Variants in RIN2 observed in about 807,000 individuals in gnomAD.
RIN2 encodes RAB5 interacting protein 2.
Under a neutral mutation model 78.0 loss-of-function variants are expected in RIN2, and 36 were observed. That is an observed-to-expected ratio of 0.46 (90% CI 0.35 to 0.61). The LOEUF is 0.61. Among genes scored for constraint, RIN2 ranks in the 20% least tolerant of loss-of-function variants. The pLI, the probability that RIN2 is intolerant of heterozygous loss-of-function variation, is 0.00. For missense variants in RIN2, 1,087 were observed against 1,159.7 expected, an observed-to-expected ratio of 0.94 and a Z score of 0.91; for synonymous variants, 466 against 466.8, an observed-to-expected ratio of 1.00 and a Z score of 0.02.
chr20:19,837,647 T>C (rs1045379847), intron 2 of RIN2, among the ~76,000 whole-genome samples: 3 of 152,188 alleles, frequency 2.0e-5, no homozygotes, highest in African/African-American at 7.2e-5. Flanking sequence ...GCCAAGCTTT[T>C]GCTTTGCTTT....
chr20:19,908,486 G>T (rs1009535921), intron 3 of RIN2, among the ~76,000 whole-genome samples: 3 of 131,112 alleles, frequency 2.3e-5, no homozygotes, highest in Non-Finnish European at 1.6e-5. Flanking sequence ...GCGAGACTCC[G>T]TCTCAAAAAA....
intron 1 of RIN2, among the ~76,000 whole-genome samples, chr20:19,769,541 TG>T (rs1000164921): frequency 6.6e-6 from 1 of 152,178 alleles, no homozygotes; most frequent in Non-Finnish European, 1.5e-5. Context: ...GCCCTGCCAG[TG>T]AAGTGTAACA....
intron 2 of RIN2, among the ~76,000 whole-genome samples, chr20:19,888,478 C>T (rs1375047383): frequency 6.6e-6 from 1 of 152,232 alleles, no homozygotes; most frequent in Non-Finnish European, 1.5e-5. Flanking sequence ...ATGAAACAGC[C>T]TCAGTGAACC....
chr20:19,838,028 C>T (rs189282543), intron 2 of RIN2, among the ~76,000 whole-genome samples: 91 of 152,262 alleles, frequency 6.0e-4, no homozygotes, highest in African/African-American at 1.9e-3. Flanking sequence ...ACAGTCACTT[C>T]ACAAAAATCA....
chr20:19,960,508 A>T (rs2041706028), intron 5 of RIN2, among the ~76,000 whole-genome samples, 192 bp from the exon 6 acceptor site: 1 of 152,124 alleles, frequency 6.6e-6, no homozygotes, highest in Non-Finnish European at 1.5e-5. Flanking sequence ...ATTCTTTTGG[A>T]GGCAGTAATG....
At chr20:19,771,878 G>A (rs1040062690) in intron 1 of RIN2, among the ~76,000 whole-genome samples, 1 of 152,062 alleles carries the variant, frequency 6.6e-6, no homozygotes, top group Non-Finnish European at 1.5e-5. Flanking sequence ...GCCTCCTCCT[G>A]CCTCCTCTTG....
At chr20:19,930,848 A>G (rs1230228105) in intron 3 of RIN2, among the ~76,000 whole-genome samples, 5 of 152,162 alleles carry the variant, frequency 3.3e-5, no homozygotes, top group Non-Finnish European at 1.5e-5. Context: ...TTGTTTTCCT[A>G]AAATTTTGTT....
At chr20:19,867,547 G>A (rs541245351) in intron 2 of RIN2, among the ~76,000 whole-genome samples, 114 of 152,120 alleles carry the variant, frequency 7.5e-4, no homozygotes, top group African/African-American at 2.4e-3. Context: ...AGACCTTTAC[G>A]TTTTTAGAGC....
intron 1 of RIN2, among the ~76,000 whole-genome samples, chr20:19,761,230 C>T (rs2033627491): frequency 1.3e-5 from 2 of 152,066 alleles, no homozygotes; most frequent in South Asian, 4.1e-4. Context: ...ATTAGTCTGT[C>T]ATTCTGCCGC....
chr20:19,835,075 G>GAGAA (rs367631438), intron 2 of RIN2, among the ~76,000 whole-genome samples: 107,528 of 148,680 alleles, frequency 0.72, 39,453 homozygotes, highest in East Asian at 0.93. Context: ...AAAAGAGAAA[G>GAGAA]AGAAAGAAAG....
intron 9 of RIN2, among the ~76,000 whole-genome samples, chr20:19,989,295 A>G (rs540182730): frequency 3.2e-4 from 37 of 116,864 alleles, no homozygotes; most frequent in African/African-American, 1.1e-3. Flanking sequence ...TTTTTTTGAG[A>G]TGGAGTATCA....
rs2039305468 is a variant in RIN2, at chr20:19,908,267, A to G, written c.57+18609A>G. On this transcript the variant is annotated intron_variant, in intron 3 of 12. Transcript: ENST00000255006. ...AGCACTTTGGGAGGCCGAGGTGGGCAGATCATGAGGTCAGGAGATCGAGAC... is the reference window on the plus strand; with the variant it reads ...AGCACTTTGGGAGGCCGAGGTGGGCGGATCATGAGGTCAGGAGATCGAGAC... 3.3e-5 allele frequency among the ~76,000 whole-genome samples: 5 copies of G among 152,274 alleles called. No individual in the cohort carries two copies. The South Asian group carries it at 1.0e-3, about 32-fold the overall frequency.
chr20:19,935,207 G>C lies in RIN2; in HGVS notation c.158+8G>C, dbSNP rs370944227. On this transcript the variant is annotated splice_region_variant and intron_variant, in intron 4 of 12. Transcript: ENST00000255006. ...ACCCGCTGAAACCCACAGGTGACCA[G>C]AGACACGGTTAGGTGATGGGTGCGA... 1.1e-5 allele frequency: 18 copies of C among 1,589,436 alleles called. No individual in the cohort carries two copies. In the African/African-American group the frequency reaches 1.2e-4, roughly 11 times the overall value.
intron 2 of RIN2, among the ~76,000 whole-genome samples, chr20:19,848,376 C>A (rs8120208): frequency 6.6e-6 from 1 of 151,504 alleles, no homozygotes; most frequent in South Asian, 2.1e-4. Flanking sequence ...TTACTAAAAA[C>A]ACACAAAAAA....
At chr20:19,847,849 A>G (rs1247422416) in intron 2 of RIN2, among the ~76,000 whole-genome samples, 3 of 152,202 alleles carry the variant, frequency 2.0e-5, no homozygotes, top group Admixed American at 6.5e-5. Context: ...GTTCTGCTCT[A>G]GAACAGGGAG....
chr20:19,933,479 C>T (rs765778032), intron 3 of RIN2, among the ~76,000 whole-genome samples: 5 of 152,202 alleles, frequency 3.3e-5, no homozygotes, highest in Admixed American at 6.5e-5. Context: ...GCATTACCTT[C>T]ACCTGTCTTC....
intron 2 of RIN2, among the ~76,000 whole-genome samples, chr20:19,863,812 C>T (rs763830486): frequency 2.0e-5 from 3 of 152,080 alleles, no homozygotes; most frequent in East Asian, 1.9e-4. Flanking sequence ...TATAAAACTG[C>T]GGTTCATCGG....
chr20:19,844,669 C>CCTCTTCCT (rs1568807647), intron 2 of RIN2, among the ~76,000 whole-genome samples: 7 of 76,248 alleles, frequency 9.2e-5, no homozygotes, highest in African/African-American at 4.3e-4. Flanking sequence ...TCTTCTTCTT[C>CCTCTTCCT]CTTCTTCTTC....
At chr20:19,983,454 T>C (rs1424940234) in intron 9 of RIN2, among the ~76,000 whole-genome samples, 1 of 152,018 alleles carries the variant, frequency 6.6e-6, no homozygotes, top group African/African-American at 2.4e-5. Context: ...GTAATACATA[T>C]AATATTAGAA....
Sources: allele counts gnomAD v4.1 joint callset (sites outside exome capture counted in the v4.1 genomes callset), GRCh38; gene constraint gnomAD v4.1.1; transcripts MANE v1.5; gene names NCBI Gene and HGNC (gene_info 2026-07-23, HGNC 2026-07-21).